Variants in C1orf87 observed in about 807,000 individuals in gnomAD.
C1orf87 encodes chromosome 1 open reading frame 87, also known as uncharacterized protein C1orf87.
Under a neutral mutation model 60.5 loss-of-function variants are expected in C1orf87, and 58 were observed. That is an observed-to-expected ratio of 0.96 (90% CI 0.78 to 1.19). C1orf87 has a LOEUF of 1.19. Ranked by LOEUF, C1orf87 falls within the 50% of genes most tolerant of loss-of-function variation. C1orf87 has a pLI of 0.00. For missense variants in C1orf87, 673 were observed against 638.6 expected (o/e 1.05, Z -0.58); for synonymous variants, 236 against 227.4 (o/e 1.04, Z -0.34).
At chr1:60,062,340 C>T (rs767110394) in intron 2 of C1orf87, among the ~76,000 whole-genome samples, 6 of 152,088 alleles carry the variant, frequency 3.9e-5, no homozygotes, top group Non-Finnish European at 8.8e-5. Context: ...TGTAAATCTT[C>T]GAAACCAAAT....
chr1:60,057,905 T>C (rs988670055), intron 2 of C1orf87, among the ~76,000 whole-genome samples: 1 of 152,222 alleles, frequency 6.6e-6, no homozygotes, highest in Middle Eastern at 3.4e-3. Flanking sequence ...TGAAATCAAT[T>C]TGAGAGCGTG....
chr1:60,049,467 T>A (rs1645397433), intron 3 of C1orf87, among the ~76,000 whole-genome samples: 1 of 152,174 alleles, frequency 6.6e-6, no homozygotes, highest in South Asian at 2.1e-4. Flanking sequence ...TTCTTCTCTA[T>A]TTTAAGTAGA....
intron 8 of C1orf87, among the ~76,000 whole-genome samples, chr1:60,021,051 C>G (rs1645159808): frequency 6.6e-6 from 1 of 152,166 alleles, no homozygotes; most frequent in African/African-American, 2.4e-5. Flanking sequence ...CTCACTGTCT[C>G]TCTCTCTCTC....
rs763367177 is a variant in C1orf87, at chr1:60,040,089, G to C, written c.575C>G (p.Ser192Cys). Residue 192 changes from serine (S) to cysteine (C), a missense_variant, in exon 5 of 12, where the codon TCC (serine) becomes TGC (cysteine). Coordinates refer to ENST00000371201, the MANE Select transcript of C1orf87 (RefSeq NM_152377.3). ...TTTCTGAAGCTTTTCTAATAAGTTG[G>C]AACTCAAAGGACGTGACTTGAGTTC... The part of the protein sequence containing the change: ...RRELKSRPLS[S>C]NLLEKLQKEL... 2 of 1,614,082 alleles carry C rather than the reference G, an allele frequency of 1.2e-6. No individual in the cohort carries two copies. The highest frequency in any genetic ancestry group is 2.7e-5 in the African/African-American group (2 of 74,932).
chr1:60,035,090 T>G lies in C1orf87; in HGVS notation c.864-1449A>C, dbSNP rs145088806. On this transcript the variant is annotated intron_variant, in intron 6 of 11. Coordinates refer to ENST00000371201, the MANE Select transcript of C1orf87 (RefSeq NM_152377.3). Reference sequence around the variant, plus strand: ...ACCAACTTTTGCATGTGCCTTCACCTGTCCAGGGAGTTCCCCAGCTCATGA... The same window carrying G: ...ACCAACTTTTGCATGTGCCTTCACCGGTCCAGGGAGTTCCCCAGCTCATGA... Among the ~76,000 whole-genome samples, 344 of 152,346 alleles carry G rather than the reference T, an allele frequency of 2.3e-3. 2 individuals are homozygous for G. The highest frequency in any genetic ancestry group is 8.0e-3 in the African/African-American group (334 of 41,580).
At chr1:60,040,873 G>A (rs1645318737) in intron 4 of C1orf87, 118 bp downstream of exon 4, 3 of 1,144,924 alleles carry the variant, frequency 2.6e-6, no homozygotes, top group South Asian at 4.3e-5. Context: ...CATTACAGGT[G>A]TAAGCCACTA....
At chr1:60,013,550 C>T (rs1176361705) in intron 8 of C1orf87, among the ~76,000 whole-genome samples, 2 of 151,920 alleles carry the variant, frequency 1.3e-5, no homozygotes, top group African/African-American at 4.8e-5. Flanking sequence ...GAGGACATGG[C>T]TTCTTATACT....
chr1:60,029,637 G>GTTTTTTTTTTTTTTTTTTTTTTTTTTT (rs34501342), intron 7 of C1orf87, among the ~76,000 whole-genome samples: 1 of 95,648 alleles, frequency 1.0e-5, no homozygotes, highest in Non-Finnish European at 1.9e-5. Context: ...GTCCCCCCAA[G>GTTTTTTTTTTTTTTTTTTTTTTTTTTT]TTTTTTTTTT....
chr1:60,068,672 G>C (rs972161868), intron 2 of C1orf87, among the ~76,000 whole-genome samples: 53 of 152,166 alleles, frequency 3.5e-4, no homozygotes, highest in Admixed American at 1.8e-3. Flanking sequence ...TCAATGATGA[G>C]AATGGAACAG....
At chr1:60,040,774 G>A (rs377401558) in intron 4 of C1orf87, among the ~76,000 whole-genome samples, 1 of 41,216 alleles carries the variant, frequency 2.4e-5, no homozygotes. Context: ...TTTTTTTTTT[G>A]TAGAGATGGG....
chr1:60,069,492 G>T (rs915139019), intron 2 of C1orf87, among the ~76,000 whole-genome samples: 3 of 127,594 alleles, frequency 2.4e-5, no homozygotes, highest in Non-Finnish European at 5.4e-5. Flanking sequence ...GATGATGATG[G>T]CACAAATAAG....
intron 9 of C1orf87, among the ~76,000 whole-genome samples, chr1:60,001,454 T>C (rs1645003764): frequency 1.3e-5 from 2 of 152,074 alleles, no homozygotes; most frequent in South Asian, 4.1e-4. Context: ...TATTTAAACT[T>C]CTTTGGAGGC....
chr1:60,067,559 G>GTTTTTTTTTTTTTT (rs1645555840), intron 2 of C1orf87, among the ~76,000 whole-genome samples: 1 of 133,056 alleles, frequency 7.5e-6, no homozygotes, highest in Non-Finnish European at 1.6e-5. Context: ...TTTTTGATGG[G>GTTTTTTTTTTTTTT]GTTTTTTTTT....
chr1:60,006,941 T>A (rs1235114801), intron 9 of C1orf87, among the ~76,000 whole-genome samples: 1 of 151,910 alleles, frequency 6.6e-6, no homozygotes, highest in Non-Finnish European at 1.5e-5. Flanking sequence ...TGACAGGGTC[T>A]CACTCTTTTG....
intron 7 of C1orf87, among the ~76,000 whole-genome samples, chr1:60,027,042 C>A (rs1645203136): frequency 6.6e-6 from 1 of 152,166 alleles, no homozygotes; most frequent in Non-Finnish European, 1.5e-5. Context: ...CACTTCTGGT[C>A]CCAAATATTT....
Position 60,010,581 on chromosome 1 carries a change from T to C in C1orf87, c.1128-125A>G, listed in dbSNP as rs1046007247. The C allele has an allele frequency of 5.0e-6, 4 of 792,908 alleles. No individual in the cohort carries two copies. In the African/African-American group the frequency reaches 5.3e-5, roughly 10 times the overall value. 49.1% of individuals were successfully genotyped at this position (792,908 alleles called of 1,614,324 possible). On this transcript the variant is annotated intron_variant, in intron 8 of 11. Transcript: ENST00000371201. The stretch of plus-strand genomic sequence containing the variant: ...TTTTTGATACTTCTATCATTTAAGG[T>C]CCAATGCAGGAAACAGAAACTACTT...
chr1:60,053,271 A>T (rs1341907548), intron 3 of C1orf87, among the ~76,000 whole-genome samples: 1 of 152,198 alleles, frequency 6.6e-6, no homozygotes, highest in Non-Finnish European at 1.5e-5. Context: ...GAATGTATAC[A>T]GTTTGGTGAC....
At chr1:60,048,356 T>A (rs1470862209) in intron 3 of C1orf87, among the ~76,000 whole-genome samples, 2 of 152,112 alleles carry the variant, frequency 1.3e-5, no homozygotes, top group Admixed American at 6.6e-5. Context: ...GATAACTGCA[T>A]CTCTGGGTGA....
At chr1:60,021,789 G>A (rs992560865) in intron 8 of C1orf87, among the ~76,000 whole-genome samples, 1 of 152,164 alleles carries the variant, frequency 6.6e-6, no homozygotes, top group Non-Finnish European at 1.5e-5. Flanking sequence ...GTTGATAAGT[G>A]TATAAAAGAA....
Sources: allele counts gnomAD v4.1 joint callset (sites outside exome capture counted in the v4.1 genomes callset), GRCh38; gene constraint gnomAD v4.1.1; transcripts MANE v1.5; gene names NCBI Gene and HGNC (gene_info 2026-07-23, HGNC 2026-07-21).